SYBU: variants seen among roughly 807,000 people sequenced by gnomAD.
SYBU encodes GOLSYN A protein.
A neutral mutation model predicts 35.9 loss-of-function variants in SYBU; 21 were observed. The ratio of observed to expected loss-of-function variants is 0.58; its 90% CI spans 0.41 to 0.84. SYBU has a LOEUF of 0.84. Ranked by LOEUF, SYBU falls within the 40% of genes least tolerant of loss-of-function variation. The pLI, the probability that SYBU is intolerant of heterozygous loss-of-function variation, is 0.00. For synonymous variants in SYBU, 319 were observed against 324.3 expected, an observed-to-expected ratio of 0.98 and a Z score of 0.18; for missense variants, 768 against 848.2, an observed-to-expected ratio of 0.91 and a Z score of 1.17.
upstream of SYBU, among the ~76,000 whole-genome samples, chr8:109,649,584 G>A (rs1352391289): frequency 1.3e-5 from 2 of 152,188 alleles, no homozygotes; most frequent in Non-Finnish European, 2.9e-5. Context: ...AGAGGCAGAG[G>A]TTGGGGGCTT....
chr8:109,648,636 A>C (rs1815961177), upstream of SYBU: 1 of 152,100 alleles, frequency 6.6e-6, no homozygotes, highest in Non-Finnish European at 1.5e-5. Context: ...GCCTGCACCA[A>C]ACAACCCAGA....
At chr8:109,683,740 T>C (rs1184579614), upstream of SYBU, among the ~76,000 whole-genome samples, 4 of 152,150 alleles carry the variant, frequency 2.6e-5, no homozygotes, top group African/African-American at 9.7e-5. Flanking sequence ...CTAACTTAAA[T>C]TGTAGTTCCC....
At position 109,575,686 on chromosome 8, in the gene SYBU, G is replaced by A. The variant is rs1390089603; in HGVS notation, c.1212C>T (p.Asn404=). ...CATCTGCCATTGTGTCAAGAGGGGG[G>A]TTGAGGGTTAAGCTCTTCTCTGGGG... ...CDSPEKSLTL[N]PPLDTMADGL... is the part of the protein sequence containing the mutation. Residue 404 remains asparagine (N), a synonymous_variant, in exon 7 of 7, where the codon AAC becomes AAT. Coordinates refer to ENST00000276646, the MANE Select transcript of SYBU (RefSeq NM_001099754.2). 3 of 1,614,132 alleles carry A rather than the reference G, an allele frequency of 1.9e-6. No homozygotes were observed. The highest frequency in any genetic ancestry group is 1.7e-5 in the Admixed American group (1 of 60,024).
At chr8:109,658,815 G>A (rs1293856276) in intron 1 of SYBU, among the ~76,000 whole-genome samples, 5 of 152,116 alleles carry the variant, frequency 3.3e-5, no homozygotes, top group East Asian at 1.9e-4. Context: ...TTAGCTGGGC[G>A]TGGTGGCGCA....
chr8:109,599,098 T>C (rs2130004513), intron 3 of SYBU, among the ~76,000 whole-genome samples: 1 of 152,268 alleles, frequency 6.6e-6, no homozygotes, highest in East Asian at 1.9e-4. Flanking sequence ...TGAAAACACA[T>C]TTACAAACAA....
chr8:109,658,962 A>G (rs924170200), intron 1 of SYBU, among the ~76,000 whole-genome samples: 1 of 152,106 alleles, frequency 6.6e-6, no homozygotes, highest in East Asian at 1.9e-4. Context: ...CCTAAAAAAA[A>G]AAAGAAAGAA....
chr8:109,682,314 T>G (rs750053477), upstream of SYBU, among the ~76,000 whole-genome samples: 28 of 152,302 alleles, frequency 1.8e-4, no homozygotes, highest in African/African-American at 6.7e-4. Flanking sequence ...GTGGGAAAGT[T>G]TGCAACTTCC....
At chr8:109,616,141 A>G (rs1484807966) in intron 3 of SYBU, among the ~76,000 whole-genome samples, 3 of 150,216 alleles carry the variant, frequency 2.0e-5, no homozygotes, top group African/African-American at 4.9e-5. Flanking sequence ...CCTCCTGAGT[A>G]GCTGGGATTA....
intron 3 of SYBU, among the ~76,000 whole-genome samples, chr8:109,600,898 T>C (rs905491977): frequency 6.6e-6 from 1 of 152,180 alleles, no homozygotes; most frequent in Admixed American, 6.5e-5. Context: ...CATGTGTGCA[T>C]TGGGTGATAG....
chr8:109,628,717 G>A (rs1220871766), intron 2 of SYBU, among the ~76,000 whole-genome samples: 4 of 151,910 alleles, frequency 2.6e-5, no homozygotes, highest in African/African-American at 9.7e-5. Context: ...GGCTATGCAG[G>A]AGCCTGAAGT....
intron 3 of SYBU, among the ~76,000 whole-genome samples, chr8:109,604,753 C>T (rs1428032851): frequency 6.6e-6 from 1 of 152,182 alleles, no homozygotes; most frequent in Non-Finnish European, 1.5e-5. Flanking sequence ...TGCTTCTAAG[C>T]TCGTGGCTTG....
chr8:109,647,442 A>C (rs571097673), upstream of SYBU: 1 of 152,162 alleles, frequency 6.6e-6, no homozygotes, highest in Non-Finnish European at 1.5e-5. Context: ...TTCTTCCAGG[A>C]AACCTCCCCT....
Position 109,678,134 on chromosome 8 carries a change from C to CAAAA in SYBU, c.-129+2573_-129+2576dup, listed in dbSNP as rs758399888. Among the ~76,000 whole-genome samples the CAAAA allele has an allele frequency of 7.4e-4, 32 of 43,132 alleles. 1 individual carries two copies. The highest frequency in any genetic ancestry group is 1.2e-3 in the Admixed American group (4 of 3,388). 28.3% of individuals were successfully genotyped at this position (43,132 alleles called of 152,430 possible). A position where few individuals can be genotyped will look rare whatever the true frequency, so the allele number is the denominator to read the frequency against. ...GGGCAAGAAGAGCGAAACTCCACCT[C>CAAAA]AAAAAAAAAAAAAAAAAAAAAAAAA... On this transcript the variant is annotated intron_variant, in intron 1 of 5. Coordinates refer to the SYBU transcript ENST00000408889.
rs71564047 is a variant in SYBU, at chr8:109,607,808, T to TCTCACACA, written c.427+11033_427+11034insTGTGTGAG. ...TCCATTTTGGCCTACCACAACTAAC[T>TCTCACACA]CACACACACACACACACACACACAC... On this transcript the variant is annotated intron_variant, in intron 3 of 6. Transcript: ENST00000276646. 6.9e-4 allele frequency: 259 copies of TCTCACACA among 377,174 alleles called. 1 individual carries two copies. Among genetic ancestry groups the TCTCACACA allele is most frequent in the Middle Eastern group, 2.1e-3 (3 of 1,448 alleles). The allele number at this position is 377,174 out of a possible 1,614,324, so 23.4% of individuals were successfully genotyped here. A position where few individuals can be genotyped will look rare whatever the true frequency, so the allele number is the denominator to read the frequency against.
At chr8:109,609,294 T>G (rs1448733262) in intron 3 of SYBU, among the ~76,000 whole-genome samples, 1 of 152,212 alleles carries the variant, frequency 6.6e-6, no homozygotes, top group Non-Finnish European at 1.5e-5. Context: ...CTAATTTTGC[T>G]TCCCTTTGGA....
chr8:109,645,625 C>T (rs373170472), upstream of SYBU: 4 of 246,590 alleles, frequency 1.6e-5, no homozygotes, highest in South Asian at 4.4e-5. Flanking sequence ...GTTGTTGTTT[C>T]GTTTTTTGTT....
At chr8:109,639,225 T>A (rs1302470177) in intron 2 of SYBU, among the ~76,000 whole-genome samples, 1 of 152,214 alleles carries the variant, frequency 6.6e-6, no homozygotes, top group Admixed American at 6.5e-5. Context: ...CCATCCACTA[T>A]CATGAATTTT....
intron 1 of SYBU, among the ~76,000 whole-genome samples, chr8:109,672,412 C>T (rs1309985462): frequency 6.6e-6 from 1 of 152,202 alleles, no homozygotes; most frequent in Non-Finnish European, 1.5e-5. Flanking sequence ...ATTGCCTCAC[C>T]TGGGAAGCGC....
intron 2 of SYBU, among the ~76,000 whole-genome samples, chr8:109,629,915 A>G (rs1273175544): frequency 4.6e-5 from 7 of 151,974 alleles, no homozygotes; most frequent in Admixed American, 6.5e-5. Context: ...GCATTTTTTC[A>G]TGTGTTTTTT....
Sources: allele counts gnomAD v4.1 joint callset (sites outside exome capture counted in the v4.1 genomes callset), GRCh38; gene constraint gnomAD v4.1.1; transcripts MANE v1.5; gene names NCBI Gene and HGNC (gene_info 2026-07-23, HGNC 2026-07-21).